PARVB: variants seen among roughly 807,000 people sequenced by gnomAD.
PARVB encodes parvin beta, also known as beta-parvin.
A neutral mutation model predicts 47.0 loss-of-function variants in PARVB; 46 were observed. That is an observed-to-expected ratio of 0.98 (90% confidence interval 0.77 to 1.25). The LOEUF is 1.25. Ranked by LOEUF, PARVB falls within the 50% of genes most tolerant of loss-of-function variation. The probability of loss-of-function intolerance (pLI) is 0.00; values close to 1 mark genes in which losing one functional copy is unlikely to be tolerated. For missense variants in PARVB, 473 were observed against 471.6 expected, an observed-to-expected ratio of 1.00 and a Z score of -0.03; for synonymous variants, 196 against 196.3, an observed-to-expected ratio of 1.00 and a Z score of 0.01.
At chr22:44,099,196 G>A (rs141505740) in intron 2 of PARVB, among the ~76,000 whole-genome samples, 1 of 152,186 alleles carries the variant, frequency 6.6e-6, no homozygotes, top group Non-Finnish European at 1.5e-5. Context: ...GGCCCCACCC[G>A]ACCCATGCTC....
At chr22:44,054,895 C>G (rs1443149301) in intron 1 of PARVB, among the ~76,000 whole-genome samples, 1 of 144,838 alleles carries the variant, frequency 6.9e-6, no homozygotes, top group Non-Finnish European at 1.5e-5. Flanking sequence ...GAGGCTGAGG[C>G]AGGAGAATCA....
At chr22:44,079,164 G>T (rs1474461587) in intron 1 of PARVB, among the ~76,000 whole-genome samples, 1 of 152,248 alleles carries the variant, frequency 6.6e-6, no homozygotes, top group East Asian at 1.9e-4. Flanking sequence ...CTGCTGGTGT[G>T]CTCCTGGTGC....
At chr22:44,138,568 A>G (rs1601665101) in intron 7 of PARVB, among the ~76,000 whole-genome samples, 1 of 152,214 alleles carries the variant, frequency 6.6e-6, no homozygotes, top group South Asian at 2.1e-4. Flanking sequence ...CATTTGAATC[A>G]TTGGATGTCT....
At position 44,069,022 on chromosome 22, in the gene PARVB, A is replaced by G. The variant is rs28626459; in HGVS notation, c.113-24906A>G. On this transcript the variant is annotated intron_variant, in intron 1 of 12. Coordinates refer to ENST00000338758, the MANE Select transcript of PARVB (RefSeq NM_013327.5). ...TGTGACCTTCCTCAAAGGCTCCCCA[A>G]AGAGGCTTTCCCTTGAAGTGCAAGT... is the stretch of plus-strand genomic sequence containing the variant. 1.5e-3 allele frequency: 1,705 copies of G among 1,172,688 alleles called. 24 individuals carry two copies. The African/African-American group carries it at 0.024, about 16-fold the overall frequency. The allele number at this position is 1,172,688 out of a possible 1,614,324, so 72.6% of individuals were successfully genotyped here.
At chr22:44,165,427 G>A (rs903880109) in intron 12 of PARVB, among the ~76,000 whole-genome samples, 1 of 152,182 alleles carries the variant, frequency 6.6e-6, no homozygotes, top group African/African-American at 2.4e-5. Flanking sequence ...GGAGTGTGGC[G>A]AGCTGCTGCC....
At chr22:44,083,452 C>T (rs2051953933) in intron 1 of PARVB, among the ~76,000 whole-genome samples, 2 of 152,152 alleles carry the variant, frequency 1.3e-5, no homozygotes, top group Admixed American at 1.3e-4. Context: ...AGTCCACAAT[C>T]ACATGATCGG....
At chr22:44,023,245 T>A (rs2050672020), upstream of PARVB, among the ~76,000 whole-genome samples, 1 of 151,818 alleles carries the variant, frequency 6.6e-6, no homozygotes, top group Non-Finnish European at 1.5e-5. Flanking sequence ...GCATGGTGGC[T>A]CACACCTATA....
intron 2 of PARVB, among the ~76,000 whole-genome samples, chr22:44,002,749 T>A (rs1321451085): frequency 6.6e-6 from 1 of 152,168 alleles, no homozygotes; most frequent in Non-Finnish European, 1.5e-5. Flanking sequence ...TGGGAGGCTG[T>A]CTCAGTCGTG....
intron 1 of PARVB, among the ~76,000 whole-genome samples, chr22:44,093,587 T>A (rs2052225931): frequency 6.6e-6 from 1 of 152,214 alleles, no homozygotes. Flanking sequence ...ATCGCTGTGG[T>A]CCATGCTTTG....
At chr22:44,093,892 A>T (rs755351640) in intron 1 of PARVB, 36 bp from the exon 2 acceptor site, 3 of 1,434,576 alleles carry the variant, frequency 2.1e-6, no homozygotes, top group Admixed American at 1.7e-5. Flanking sequence ...CACTCCGTGT[A>T]TACTAACCTG....
At chr22:44,053,366 G>A (rs1297909372) in intron 1 of PARVB, among the ~76,000 whole-genome samples, 2 of 152,038 alleles carry the variant, frequency 1.3e-5, no homozygotes, top group African/African-American at 4.8e-5. Context: ...ACAGGCATGA[G>A]CCACCGCGCC....
chr22:44,043,704 G>A (rs1601519157), intron 1 of PARVB, among the ~76,000 whole-genome samples: 1 of 152,094 alleles, frequency 6.6e-6, no homozygotes, highest in Non-Finnish European at 1.5e-5. Context: ...ACGGCAAATT[G>A]TATGGAATGT....
At chr22:44,122,487 CAA>C (rs1491451505) in intron 4 of PARVB, among the ~76,000 whole-genome samples, 1,478 of 64,384 alleles carry the variant, frequency 0.023, 32 homozygotes, top group East Asian at 0.075. Context: ...CCCTGTCGAT[CAA>C]GAGAGAGAGA....
intron 2 of PARVB, among the ~76,000 whole-genome samples, chr22:44,009,234 T>C (rs1173123446): frequency 1.3e-5 from 2 of 152,216 alleles, no homozygotes; most frequent in African/African-American, 4.8e-5. Context: ...CAATTGGTAA[T>C]GAGCTACAGT....
At chr22:44,028,972 A>G (rs1014963720) in intron 1 of PARVB, among the ~76,000 whole-genome samples, 1 of 151,968 alleles carries the variant, frequency 6.6e-6, no homozygotes, top group South Asian at 2.1e-4. Flanking sequence ...GCTCATTTGT[A>G]TTTTATTTAT....
At chr22:44,149,038 T>G (rs1217685036) in intron 9 of PARVB, 1 of 152,068 alleles carries the variant, frequency 6.6e-6, no homozygotes, top group Non-Finnish European at 1.5e-5. Context: ...AAATCCAGCT[T>G]CCCCACTTAT....
chr22:44,166,142 C>A (rs2054162338), intron 12 of PARVB, among the ~76,000 whole-genome samples: 2 of 152,176 alleles, frequency 1.3e-5, no homozygotes, highest in Admixed American at 1.3e-4. Context: ...CAGAGTCTTA[C>A]TTTGTCACCC....
chr22:44,008,981 T>G (rs1419662549), intron 2 of PARVB, among the ~76,000 whole-genome samples: 3 of 152,166 alleles, frequency 2.0e-5, no homozygotes, highest in African/African-American at 7.2e-5. Context: ...AGAACGAGAC[T>G]CCATCTTAAA....
At chr22:44,119,653 G>T in intron 4 of PARVB, 1 of 432,088 alleles carries the variant, frequency 2.3e-6, no homozygotes, top group Non-Finnish European at 4.8e-6. Context: ...AGACAAACCG[G>T]TTGTTTATTC....
Sources: gnomAD v4.1 joint callset for allele counts (sites outside exome capture counted in the v4.1 genomes callset) on GRCh38, gnomAD v4.1.1 for gene constraint, MANE v1.5 for transcripts, NCBI Gene and HGNC (gene_info 2026-07-23, HGNC 2026-07-21) for gene names.